The following ARHGAP31 variants were observed in gnomAD, a reference collection of about 807,000 sequenced individuals.
ARHGAP31 encodes the protein rho GTPase-activating protein 31.
In ARHGAP31, 34 loss-of-function variants were observed where a neutral mutation model predicts 113.9. The observed-to-expected ratio is 0.30, with a 90% confidence interval of 0.23 to 0.40. The LOEUF (loss-of-function observed/expected upper bound fraction) is 0.40. ARHGAP31 is among the 10% of genes least tolerant of loss of function. The pLI, the probability that ARHGAP31 is intolerant of heterozygous loss-of-function variation, is 1.00. For synonymous variants in ARHGAP31, 650 were observed against 684.8 expected (o/e 0.95, Z 0.79); for missense variants, 1,548 against 1,767.1 (o/e 0.88, Z 2.22).
At chr3:119,308,664 C>A (rs967180714) in intron 1 of ARHGAP31, among the ~76,000 whole-genome samples, 5 of 152,186 alleles carry the variant, frequency 3.3e-5, no homozygotes, top group African/African-American at 9.7e-5. Flanking sequence ...ATCTGTAAAG[C>A]CTCTTTGTAT....
chr3:119,330,877 T>G (rs1448152031), intron 1 of ARHGAP31, among the ~76,000 whole-genome samples: 1 of 152,212 alleles, frequency 6.6e-6, no homozygotes, highest in African/African-American at 2.4e-5. Context: ...GTGCGATATA[T>G]TTATAAAGTG....
At position 119,303,788 on chromosome 3, in the gene ARHGAP31, TGTTG is replaced by T. The variant is rs1199408010; in HGVS notation, c.100+8785_100+8788del. 1.4e-3 allele frequency among the ~76,000 whole-genome samples: 211 copies of T among 150,866 alleles called. 1 individual carries two copies. Among genetic ancestry groups the T allele is most frequent in the African/African-American group, 4.2e-3 (173 of 40,786 alleles). On this transcript the variant is annotated intron_variant, in intron 1 of 11. Transcript: ENST00000264245. ...TTTCCCCAGCTCTTTTCATGTTTTT[TGTTG>T]TTGTTGTTGTTGTTGTTGTTGAGAT...
At chr3:119,390,706 A>G in intron 6 of ARHGAP31, 79 bp from the exon 7 acceptor site, 2 of 1,454,372 alleles carry the variant, frequency 1.4e-6, no homozygotes, top group South Asian at 2.3e-5. Context: ...TCAAGAATGG[A>G]GGGACTGTGG....
intron 2 of ARHGAP31, among the ~76,000 whole-genome samples, chr3:119,366,213 T>C (rs2080251392): frequency 6.6e-6 from 1 of 151,982 alleles, no homozygotes; most frequent in South Asian, 2.1e-4. Context: ...GTTATTTTAA[T>C]TATAACATTT....
intron 1 of ARHGAP31, among the ~76,000 whole-genome samples, chr3:119,357,719 AC>A (rs2080170528): frequency 6.6e-6 from 1 of 152,204 alleles, no homozygotes; most frequent in South Asian, 2.1e-4. Context: ...AGGAGGTTAT[AC>A]TTGAGTTAAA....
In ARHGAP31 at chr3:119,339,825, GA is replaced by G. The variant is rs558754826; in HGVS notation, c.101-25482del. Among the ~76,000 whole-genome samples, 356 of 151,450 alleles carry G rather than the reference GA, an allele frequency of 2.4e-3. 4 individuals carry two copies. Among genetic ancestry groups the G allele is most frequent in the African/African-American group, 8.3e-3 (341 of 41,300 alleles). Reference sequence around the variant, plus strand: ...AAAATGCAAGACTATAAAACTGTTAGAAAAAAAAATTAAGGAAAATCCTTGG... The same window carrying G: ...AAAATGCAAGACTATAAAACTGTTAGAAAAAAAATTAAGGAAAATCCTTGG... On this transcript the variant is annotated intron_variant, in intron 1 of 11. Coordinates refer to ENST00000264245, the MANE Select transcript of ARHGAP31 (RefSeq NM_020754.4).
chr3:119,370,955 T>C (rs183373572), intron 3 of ARHGAP31, among the ~76,000 whole-genome samples: 3 of 152,338 alleles, frequency 2.0e-5, no homozygotes, highest in African/African-American at 4.8e-5. Context: ...CAAGGAATGC[T>C]CTTTTCCCTG....
At chr3:119,340,671 G>A (rs900880183) in intron 1 of ARHGAP31, among the ~76,000 whole-genome samples, 1 of 152,268 alleles carries the variant, frequency 6.6e-6, no homozygotes, top group East Asian at 1.9e-4. Context: ...AAACACCATG[G>A]ATATGAGGTA....
intron 1 of ARHGAP31, among the ~76,000 whole-genome samples, chr3:119,345,595 C>T (rs1402465352): frequency 1.3e-5 from 2 of 152,200 alleles, no homozygotes; most frequent in Non-Finnish European, 2.9e-5. Context: ...TTGCTTCCCA[C>T]TGTGTCCTTG....
At chr3:119,361,428 C>T in intron 1 of ARHGAP31, among the ~76,000 whole-genome samples, 1 of 144,120 alleles carries the variant, frequency 6.9e-6, no homozygotes, top group South Asian at 2.2e-4. Context: ...GTCGCCCAGT[C>T]TGGAGTTCAG....
intron 1 of ARHGAP31, among the ~76,000 whole-genome samples, chr3:119,307,940 C>CAAAAACAAAAA (rs2079644565): frequency 2.2e-5 from 1 of 45,452 alleles, no homozygotes; most frequent in Non-Finnish European, 3.7e-5. Context: ...GAATTAACAG[C>CAAAAACAAAAA]AAAAAAAAAA....
chr3:119,393,659 G>C (rs2080523375), intron 8 of ARHGAP31, 68 bp downstream of exon 8: 1 of 1,584,168 alleles, frequency 6.3e-7, no homozygotes, highest in Non-Finnish European at 8.7e-7. Context: ...TTAAGTCTTT[G>C]GTTTGATCAT....
At chr3:119,363,833 G>C (rs2080230736) in intron 1 of ARHGAP31, among the ~76,000 whole-genome samples, 1 of 152,176 alleles carries the variant, frequency 6.6e-6, no homozygotes, top group Non-Finnish European at 1.5e-5. Context: ...AATAGCCCAA[G>C]TGTTAATTCA....
At chr3:119,302,579 AC>A (rs2079593840) in intron 1 of ARHGAP31, among the ~76,000 whole-genome samples, 1 of 152,228 alleles carries the variant, frequency 6.6e-6, no homozygotes, top group Non-Finnish European at 1.5e-5. Context: ...TGTGCCAGTC[AC>A]TTTATACATG....
chr3:119,357,275 C>A (rs1197652372), intron 1 of ARHGAP31, among the ~76,000 whole-genome samples: 1 of 152,062 alleles, frequency 6.6e-6, no homozygotes, highest in Non-Finnish European at 1.5e-5. Context: ...AAAAGATAAG[C>A]AGGAGGAGTT....
chr3:119,330,385 C>T (rs2079882184), intron 1 of ARHGAP31, among the ~76,000 whole-genome samples: 2 of 152,156 alleles, frequency 1.3e-5, no homozygotes, highest in African/African-American at 2.4e-5. Context: ...GCATGATAAT[C>T]CCATGACCCG....
chr3:119,344,583 C>T (rs2080037736), intron 1 of ARHGAP31, among the ~76,000 whole-genome samples: 1 of 152,190 alleles, frequency 6.6e-6, no homozygotes. Context: ...TTATTGAGAG[C>T]TTATTGGGCC....
Position 119,382,408 on chromosome 3 carries a change from T to C in ARHGAP31, c.539+9T>C, listed in dbSNP as rs764669784. On this transcript the variant is annotated intron_variant, in intron 5 of 11. Transcript: ENST00000264245. ...GCGCCAAACCTCCTCAGGTAACCAC[T>C]CTACCCTCCCCTTGTCACCAGCCCA... is the stretch of plus-strand genomic sequence containing the variant. The C allele has an allele frequency of 6.2e-7, 1 of 1,612,412 alleles. No homozygotes were observed. Among genetic ancestry groups the C allele is most frequent in the Non-Finnish European group, 8.5e-7 (1 of 1,178,460 alleles).
chr3:119,315,218 A>C (rs57483259), intron 1 of ARHGAP31, among the ~76,000 whole-genome samples: 2,341 of 152,342 alleles, frequency 0.015, 58 homozygotes, highest in African/African-American at 0.052. Context: ...CATGTATAAT[A>C]ATGTTTATAG....
Sources: gnomAD v4.1 joint callset for allele counts (sites outside exome capture counted in the v4.1 genomes callset) on GRCh38, gnomAD v4.1.1 for gene constraint, MANE v1.5 for transcripts, NCBI Gene and HGNC (gene_info 2026-07-23, HGNC 2026-07-21) for gene names.